The following CTNNA3 variants were observed in gnomAD, a reference collection of about 807,000 sequenced individuals.
CTNNA3 encodes the protein catenin alpha-3.
A neutral mutation model predicts 95.7 loss-of-function variants in CTNNA3; 76 were observed. The observed-to-expected ratio is 0.79, with a 90% CI of 0.66 to 0.96. The LOEUF (loss-of-function observed/expected upper bound fraction) is 0.96, where lower values mean the gene tolerates loss of function less well. Ranked by LOEUF, CTNNA3 falls within the 40% of genes least tolerant of loss-of-function variation. The probability of loss-of-function intolerance (pLI) is 0.00; values close to 1 mark genes in which losing one functional copy is unlikely to be tolerated. For missense variants in CTNNA3, 1,191 were observed against 1,089.8 expected (o/e 1.09, Z -1.31); for synonymous variants, 431 against 374.4 (o/e 1.15, Z -1.74).
At chr10:67,573,654 A>G (rs1210128609) in intron 3 of CTNNA3, among the ~76,000 whole-genome samples, 3 of 152,014 alleles carry the variant, frequency 2.0e-5, no homozygotes, top group Admixed American at 6.6e-5. Context: ...CAAGTATTAT[A>G]TTAGATAAGA....
intron 7 of CTNNA3, among the ~76,000 whole-genome samples, chr10:66,958,704 A>C (rs1848962806): frequency 6.6e-6 from 1 of 152,140 alleles, no homozygotes; most frequent in Non-Finnish European, 1.5e-5. Flanking sequence ...ACCAGAGCCA[A>C]ATTTGACAAA....
intron 3 of CTNNA3, among the ~76,000 whole-genome samples, chr10:67,594,517 C>G (rs955896283): frequency 6.6e-6 from 1 of 151,984 alleles, no homozygotes; most frequent in Non-Finnish European, 1.5e-5. Context: ...TCAGTTTCTT[C>G]TAGGTTTTCT....
chr10:67,638,672 G>A (rs1420229327), intron 2 of CTNNA3, among the ~76,000 whole-genome samples: 7 of 152,156 alleles, frequency 4.6e-5, no homozygotes, highest in Non-Finnish European at 1.0e-4. Flanking sequence ...TCAGACCACA[G>A]TGCAATCAAA....
intron 5 of CTNNA3, among the ~76,000 whole-genome samples, chr10:67,296,115 T>C (rs969894881): frequency 4.6e-5 from 7 of 152,206 alleles, no homozygotes; most frequent in African/African-American, 1.7e-4. Context: ...AAGATATTAT[T>C]TTTAACCCAA....
intron 2 of CTNNA3, among the ~76,000 whole-genome samples, chr10:67,639,868 G>A (rs866354831): frequency 1.3e-5 from 2 of 152,038 alleles, no homozygotes; most frequent in African/African-American, 4.8e-5. Flanking sequence ...AACATAATAA[G>A]AGCTATTTAT....
intron 11 of CTNNA3, among the ~76,000 whole-genome samples, chr10:66,406,789 G>C (rs2093060881): frequency 6.6e-6 from 1 of 152,032 alleles, no homozygotes. Context: ...TCTCCATGCT[G>C]CCACTCTTGT....
At chr10:66,491,594 T>TTCAGAA (rs1431260297) in intron 11 of CTNNA3, among the ~76,000 whole-genome samples, 67 of 152,164 alleles carry the variant, frequency 4.4e-4, no homozygotes, top group Non-Finnish European at 8.4e-4. Context: ...ATGAAGTCCT[T>TTCAGAA]TTTATTTCAG....
chr10:66,903,560 T>C (rs573489692), intron 7 of CTNNA3, among the ~76,000 whole-genome samples: 95 of 152,276 alleles, frequency 6.2e-4, no homozygotes, highest in African/African-American at 2.1e-3. Context: ...ATAAAGGGTA[T>C]TCAGTTAGGA....
At chr10:66,075,526 G>A (rs1349597472) in intron 14 of CTNNA3, among the ~76,000 whole-genome samples, 1 of 151,652 alleles carries the variant, frequency 6.6e-6, no homozygotes, top group Non-Finnish European at 1.5e-5. Flanking sequence ...GTATCATCTT[G>A]GCCTCCAAGA....
chr10:67,361,800 T>G (rs1391918315), intron 5 of CTNNA3, among the ~76,000 whole-genome samples: 2 of 151,762 alleles, frequency 1.3e-5, no homozygotes, highest in Non-Finnish European at 2.9e-5. Context: ...AATTGAAAAG[T>G]GAAAATCCAC....
At position 67,720,955 on chromosome 10, in the gene CTNNA3, G is replaced by GA. The variant is rs572628273; in HGVS notation, c.-2+42478dup. On this transcript the variant is annotated intron_variant, in intron 1 of 17. Coordinates refer to the CTNNA3 transcript ENST00000684154. ...GGTCACAGAGTGAGACTCCGTCTCA[G>GA]AAAAAAAAATGTTGAATATTGGCCC... Among the ~76,000 whole-genome samples the GA allele has an allele frequency of 6.8e-4, 103 of 151,288 alleles. 2 individuals carry two copies. The highest frequency in any genetic ancestry group is 2.1e-3 in the African/African-American group (85 of 41,262).
At chr10:67,075,069 A>T (rs1456829559) in intron 7 of CTNNA3, among the ~76,000 whole-genome samples, 1 of 151,808 alleles carries the variant, frequency 6.6e-6, no homozygotes, top group African/African-American at 2.4e-5. Context: ...TGTTTCCTAG[A>T]GCTGTTTGGT....
intron 5 of CTNNA3, among the ~76,000 whole-genome samples, chr10:67,481,761 C>T (rs1466231966): frequency 1.3e-5 from 2 of 152,188 alleles, no homozygotes; most frequent in Non-Finnish European, 2.9e-5. Context: ...ACTTAGATCC[C>T]ATTTGTCAAT....
Position 66,775,477 on chromosome 10 carries a change from G to A in CTNNA3, c.1095C>T (p.Asn365=), listed in dbSNP as rs760926553. 3.1e-6 allele frequency: 5 copies of A among 1,611,086 alleles called. No homozygotes were observed. In the South Asian group the frequency reaches 5.5e-5, roughly 18 times the overall value. ...RSNTLNIALD[N]MCKKTRDLRR... ...GAAGGTCTCTTGTCTTCTTACACAT[G>A]TTGTCTAAAGCAATATTCAGGGTAT... The change falls in exon 8 of 18, where the codon AAC becomes AAT. Residue 365 remains asparagine (N), a synonymous_variant. Transcript: ENST00000433211.
chr10:66,175,007 G>C (rs903853439), intron 13 of CTNNA3, among the ~76,000 whole-genome samples: 1 of 152,054 alleles, frequency 6.6e-6, no homozygotes, highest in African/African-American at 2.4e-5. Context: ...TAATCAATGT[G>C]TCATTGCCTC....
intron 13 of CTNNA3, among the ~76,000 whole-genome samples, chr10:66,129,157 G>A (rs10996920): frequency 0.16 from 24,985 of 152,024 alleles, 2,306 homozygotes; most frequent in Middle Eastern, 0.23. Flanking sequence ...CCAGCTACTC[G>A]GGAGGCTGAG....
chr10:66,850,644 TTAAA>T (rs1247003463), intron 7 of CTNNA3, among the ~76,000 whole-genome samples: 4 of 152,154 alleles, frequency 2.6e-5, no homozygotes, highest in Non-Finnish European at 5.9e-5. Context: ...ACTACTATTC[TTAAA>T]TAATAAGACA....
intron 10 of CTNNA3, among the ~76,000 whole-genome samples, chr10:66,573,682 C>T (rs1255271760): frequency 6.6e-6 from 1 of 152,016 alleles, no homozygotes; most frequent in Non-Finnish European, 1.5e-5. Context: ...ATTTAATACC[C>T]CCTGCTTTCA....
intron 9 of CTNNA3, among the ~76,000 whole-genome samples, chr10:66,759,039 C>G (rs1839490816): frequency 1.3e-5 from 2 of 152,102 alleles, no homozygotes; most frequent in Admixed American, 1.3e-4. Context: ...TGCTGAAAAA[C>G]AATTCTATCT....
Sources: gnomAD v4.1 joint callset for allele counts (sites outside exome capture counted in the v4.1 genomes callset) on GRCh38, gnomAD v4.1.1 for gene constraint, MANE v1.5 for transcripts, NCBI Gene and HGNC (gene_info 2026-07-23, HGNC 2026-07-21) for gene names.